Variants in MEOX2 observed in about 807,000 individuals in gnomAD.
MEOX2 encodes mesenchyme homeobox 2, also known as homeobox protein MOX-2.
MEOX2 carries 11 observed loss-of-function variants against 27.0 expected under a neutral mutation model. The observed-to-expected ratio is 0.41, with a 90% confidence interval of 0.26 to 0.68. The LOEUF (loss-of-function observed/expected upper bound fraction) is 0.68, where lower values mean the gene tolerates loss of function less well. MEOX2 is among the 30% of genes least tolerant of loss of function. The pLI is 0.33. For synonymous variants in MEOX2, 189 were observed against 155.4 expected (o/e 1.22, Z -1.61); for missense variants, 436 against 385.4 (o/e 1.13, Z -1.10).
rs1010548349 is a variant in MEOX2 at position 15,676,972 on chromosome 7, A to G, written c.517+8914T>C. 2.0e-5 allele frequency among the ~76,000 whole-genome samples: 3 copies of G among 152,160 alleles called. No homozygotes were observed. In the East Asian group the frequency reaches 5.8e-4, roughly 29 times the overall value. On this transcript the variant is annotated intron_variant, in intron 1 of 2. Coordinates refer to ENST00000262041, the MANE Select transcript of MEOX2 (RefSeq NM_005924.5). Reference sequence around the variant, plus strand: ...AGACCCAAGAGAAGAGGAAGTTAGGAGAGGTCCAAGTAAAAGAGGCTGTGG... The same window carrying G: ...AGACCCAAGAGAAGAGGAAGTTAGGGGAGGTCCAAGTAAAAGAGGCTGTGG...
chr7:15,622,263 A>C (rs1384328664), intron 2 of MEOX2, among the ~76,000 whole-genome samples: 1 of 152,212 alleles, frequency 6.6e-6, no homozygotes, highest in Non-Finnish European at 1.5e-5. Flanking sequence ...GCATACACAT[A>C]CATATATATC....
chr7:15,623,634 T>A lies in MEOX2; in HGVS notation c.690+3112A>T, dbSNP rs538066465. Among the ~76,000 whole-genome samples, 531 of 152,332 alleles carry A rather than the reference T, an allele frequency of 3.5e-3. 3 individuals carry two copies. Among genetic ancestry groups the A allele is most frequent in the African/African-American group, 0.012 (510 of 41,578 alleles). Reference sequence around the variant, plus strand: ...ACCTGCCTGCCTTGGCTTCCCAAAGTGCTGGGACAAGTACAGGCTTGAGCT... The same window carrying A: ...ACCTGCCTGCCTTGGCTTCCCAAAGAGCTGGGACAAGTACAGGCTTGAGCT... On this transcript the variant is annotated intron_variant, in intron 2 of 2. Transcript: ENST00000262041.
At chr7:15,658,365 T>C (rs1161663808) in intron 1 of MEOX2, among the ~76,000 whole-genome samples, 1 of 152,168 alleles carries the variant, frequency 6.6e-6, no homozygotes. Flanking sequence ...TTTCCTACGG[T>C]GTTTGACTGG....
chr7:15,641,428 G>C (rs1415539680), intron 1 of MEOX2, among the ~76,000 whole-genome samples: 1 of 152,030 alleles, frequency 6.6e-6, no homozygotes. Flanking sequence ...TCAAACACAA[G>C]AATAGCAACC....
intron 1 of MEOX2, among the ~76,000 whole-genome samples, chr7:15,683,412 G>A (rs1267594013): frequency 2.0e-5 from 3 of 151,728 alleles, no homozygotes; most frequent in Admixed American, 1.3e-4. Flanking sequence ...TAAATTTCAG[G>A]AGTTCCGAAA....
intron 1 of MEOX2, among the ~76,000 whole-genome samples, chr7:15,673,362 T>G (rs1173658337): frequency 6.6e-6 from 1 of 151,900 alleles, no homozygotes; most frequent in Non-Finnish European, 1.5e-5. Flanking sequence ...ATCCACATTT[T>G]AATGAAAATG....
At position 15,616,765 on chromosome 7, in the gene MEOX2, T is replaced by C. The variant is rs140820825; in HGVS notation, c.691-4154A>G. 8.0e-3 allele frequency among the ~76,000 whole-genome samples: 1,215 copies of C among 152,114 alleles called. 19 individuals are homozygous for C. Among genetic ancestry groups the C allele is most frequent in the African/African-American group, 0.028 (1,166 of 41,556 alleles). Reference sequence around the variant, plus strand: ...TACAAGAATTCTCACATTTCCTTGGTGACTTGGGATCTCTATTCATTCATT... The same window carrying C: ...TACAAGAATTCTCACATTTCCTTGGCGACTTGGGATCTCTATTCATTCATT... On this transcript the variant is annotated intron_variant, in intron 2 of 2. Transcript: ENST00000262041.
At chr7:15,662,005 T>C (rs940803395) in intron 1 of MEOX2, among the ~76,000 whole-genome samples, 4 of 151,940 alleles carry the variant, frequency 2.6e-5, no homozygotes, top group African/African-American at 9.7e-5. Flanking sequence ...GTTAACAATT[T>C]CATTTTCATC....
rs117099029 is a variant in MEOX2, at chr7:15,612,772, G to C, written c.691-161C>G. 9.5e-3 allele frequency among the ~76,000 whole-genome samples: 1,451 copies of C among 152,274 alleles called. 2 individuals carry two copies. The highest frequency in any genetic ancestry group is 0.015 in the Non-Finnish European group (1,011 of 68,030). On this transcript the variant is annotated intron_variant, in intron 2 of 2. Transcript: ENST00000262041. ...AATAAATCCACGTTGAATTTAATCA[G>C]GTTACATGTTCATGATAATAATTTT... is the stretch of plus-strand genomic sequence containing the variant.
chr7:15,683,184 G>C (rs1018505038), intron 1 of MEOX2, among the ~76,000 whole-genome samples: 1 of 151,928 alleles, frequency 6.6e-6, no homozygotes, highest in African/African-American at 2.4e-5. Flanking sequence ...ACTTTCTGGT[G>C]CTTAAAATTC....
chr7:15,625,914 C>T (rs1231630123), intron 2 of MEOX2, among the ~76,000 whole-genome samples: 3 of 152,056 alleles, frequency 2.0e-5, no homozygotes, highest in East Asian at 1.9e-4. Flanking sequence ...AGTCCAAAAA[C>T]ATTAATAATT....
chr7:15,675,750 A>G (rs1330606383), intron 1 of MEOX2, among the ~76,000 whole-genome samples: 1 of 152,266 alleles, frequency 6.6e-6, no homozygotes, highest in Non-Finnish European at 1.5e-5. Flanking sequence ...AGCCTCCTCT[A>G]AAATCAAAGA....
At position 15,637,534 on chromosome 7, in the gene MEOX2, A is replaced by G. The variant is rs989075437; in HGVS notation, c.518-10616T>C. On this transcript the variant is annotated intron_variant, in intron 1 of 2. Transcript: ENST00000262041. ...TTCCAATACACACACACACACACGC[A>G]CACACACACGCACACACACACATAA... is the stretch of plus-strand genomic sequence containing the variant. Among the ~76,000 whole-genome samples, 29 of 152,058 alleles carry G rather than the reference A, an allele frequency of 1.9e-4. No homozygotes were observed. In the East Asian group the frequency reaches 2.3e-3, roughly 12 times the overall value.
chr7:15,633,649 C>T (rs1781437272), intron 1 of MEOX2, among the ~76,000 whole-genome samples: 1 of 151,890 alleles, frequency 6.6e-6, no homozygotes. Context: ...TAAGGACTAG[C>T]ATTTATGCTG....
At chr7:15,669,444 T>G (rs1408663668) in intron 1 of MEOX2, among the ~76,000 whole-genome samples, 1 of 152,260 alleles carries the variant, frequency 6.6e-6, no homozygotes, top group Non-Finnish European at 1.5e-5. Context: ...AACGTGAATA[T>G]GTCCAGTAAT....
At chr7:15,651,972 T>C (rs916377150) in intron 1 of MEOX2, among the ~76,000 whole-genome samples, 4 of 152,054 alleles carry the variant, frequency 2.6e-5, no homozygotes, top group African/African-American at 9.7e-5. Context: ...TGAAAAGGAA[T>C]GATCTAGAAC....
Position 15,686,355 on chromosome 7 carries a change from C to T in MEOX2, c.48G>A (p.Ala16=). The T allele has an allele frequency of 6.3e-7, 1 of 1,593,840 alleles. No individual in the cohort carries two copies. Among genetic ancestry groups the T allele is most frequent in the Non-Finnish European group, 8.6e-7 (1 of 1,169,580 alleles). The change falls in exon 1 of 3, where the codon GCG becomes GCA. Residue 16 remains alanine, a synonymous_variant. Transcript: ENST00000262041. Reference sequence around the variant, plus strand: ...ATTGGGAGAACGGGTGCAAGCCTTGCGCCGTGGCGTGAGGGCTGCGCAGGC... The same window carrying T: ...ATTGGGAGAACGGGTGCAAGCCTTGTGCCGTGGCGTGAGGGCTGCGCAGGC... ...FGCLRSPHAT[A]QGLHPFSQSS...
At chr7:15,654,609 T>A (rs1781790532) in intron 1 of MEOX2, among the ~76,000 whole-genome samples, 1 of 151,860 alleles carries the variant, frequency 6.6e-6, no homozygotes, top group Non-Finnish European at 1.5e-5. Flanking sequence ...CTATGGTAAA[T>A]GCATCTTGAA....
At chr7:15,626,645 GTA>G (rs1223663097) in intron 2 of MEOX2, 99 bp downstream of exon 2, 2 of 784,444 alleles carry the variant, frequency 2.5e-6, no homozygotes, top group East Asian at 5.0e-5. Context: ...CTTCCAAATG[GTA>G]TTCAAGAATT....
Sources: allele counts gnomAD v4.1 joint callset (sites outside exome capture counted in the v4.1 genomes callset), GRCh38; gene constraint gnomAD v4.1.1; transcripts MANE v1.5; gene names NCBI Gene and HGNC (gene_info 2026-07-23, HGNC 2026-07-21).